Variants in CAMKMT observed in about 807,000 individuals in gnomAD.
CAMKMT encodes the protein CaM KMT.
A neutral mutation model predicts 48.0 loss-of-function variants in CAMKMT; 53 were observed. The observed-to-expected ratio is 1.10, with a 90% confidence interval of 0.89 to 1.39. The LOEUF (loss-of-function observed/expected upper bound fraction) is 1.39, where lower values mean the gene tolerates loss of function less well. CAMKMT is among the 40% of genes most tolerant of loss of function. The pLI is 0.00. For missense variants in CAMKMT, 428 were observed against 402.7 expected, an observed-to-expected ratio of 1.06 and a Z score of -0.54; for synonymous variants, 165 against 152.3, an observed-to-expected ratio of 1.08 and a Z score of -0.61.
intron 3 of CAMKMT, among the ~76,000 whole-genome samples, chr2:44,696,562 TG>T (rs1175640645): frequency 6.6e-6 from 1 of 152,116 alleles, no homozygotes; most frequent in East Asian, 1.9e-4. Context: ...AGGGTTAAAC[TG>T]GGGATTTTGG....
chr2:44,595,216 A>C (rs921133604), intron 3 of CAMKMT, among the ~76,000 whole-genome samples: 1 of 151,700 alleles, frequency 6.6e-6, no homozygotes, highest in Non-Finnish European at 1.5e-5. Context: ...AGGGTAAATT[A>C]GTTCAACCAT....
At chr2:44,497,459 A>AT (rs1281138010) in intron 3 of CAMKMT, among the ~76,000 whole-genome samples, 1 of 152,062 alleles carries the variant, frequency 6.6e-6, no homozygotes, top group Non-Finnish European at 1.5e-5. Context: ...TTTTCTAAAC[A>AT]TTTTTTATGT....
intron 3 of CAMKMT, among the ~76,000 whole-genome samples, chr2:44,515,171 A>T (rs528474168): frequency 6.6e-6 from 1 of 152,230 alleles, no homozygotes; most frequent in Admixed American, 6.5e-5. Context: ...TTTACCTAGA[A>T]GTAACTGGAG....
chr2:44,767,293 G>C (rs907195427), intron 10 of CAMKMT, among the ~76,000 whole-genome samples: 2 of 152,102 alleles, frequency 1.3e-5, no homozygotes, highest in Non-Finnish European at 2.9e-5. Context: ...TGTGCCTTAC[G>C]GAAATCTCCC....
intron 3 of CAMKMT, among the ~76,000 whole-genome samples, chr2:44,492,548 G>A (rs752971559): frequency 2.6e-5 from 4 of 152,078 alleles, no homozygotes; most frequent in Admixed American, 6.6e-5. Context: ...CTGAGAGTGC[G>A]TTTGCCCAAC....
chr2:44,590,388 G>C (rs1239007154), intron 3 of CAMKMT, among the ~76,000 whole-genome samples: 3 of 152,162 alleles, frequency 2.0e-5, no homozygotes, highest in African/African-American at 7.2e-5. Context: ...GCTAGGCCTA[G>C]AATTTTCTTT....
At chr2:44,604,939 T>G (rs1671201807) in intron 3 of CAMKMT, among the ~76,000 whole-genome samples, 1 of 152,150 alleles carries the variant, frequency 6.6e-6, no homozygotes, top group African/African-American at 2.4e-5. Context: ...TATTTCTTTC[T>G]GCCTATTTCA....
At chr2:44,639,649 A>G (rs1673336804) in intron 3 of CAMKMT, among the ~76,000 whole-genome samples, 2 of 152,206 alleles carry the variant, frequency 1.3e-5, no homozygotes, top group Admixed American at 6.5e-5. Context: ...TATGACATAC[A>G]TGTCATTGGA....
chr2:44,522,496 C>A (rs913827393), intron 3 of CAMKMT, among the ~76,000 whole-genome samples: 43 of 152,144 alleles, frequency 2.8e-4, no homozygotes, highest in African/African-American at 8.9e-4. Flanking sequence ...ATACTTAGAA[C>A]CCCTATTGTT....
At chr2:44,522,765 C>T (rs1037506393) in intron 3 of CAMKMT, among the ~76,000 whole-genome samples, 1 of 152,180 alleles carries the variant, frequency 6.6e-6, no homozygotes, top group Non-Finnish European at 1.5e-5. Flanking sequence ...GTCCTGGATC[C>T]TTTACATTAC....
rs544638530 is a variant in CAMKMT, at chr2:44,768,121, A to G, written c.894+1560A>G. 2.6e-5 allele frequency among the ~76,000 whole-genome samples: 4 copies of G among 152,152 alleles called. No homozygotes were observed. In the South Asian group the frequency reaches 8.3e-4, roughly 32 times the overall value. On this transcript the variant is annotated intron_variant, in intron 10 of 10. Transcript: ENST00000378494. Reference sequence around the variant, plus strand: ...CAGCACACCTCCTCTTTTTATTTCCAACGTTGTACACTACCCTGCTAAGTG... The same window carrying G: ...CAGCACACCTCCTCTTTTTATTTCCGACGTTGTACACTACCCTGCTAAGTG...
chr2:44,586,190 G>A (rs1558722755), intron 3 of CAMKMT, among the ~76,000 whole-genome samples: 1 of 152,192 alleles, frequency 6.6e-6, no homozygotes, highest in East Asian at 1.9e-4. Flanking sequence ...TTAGTTTAAG[G>A]GTTCCAAAAT....
At chr2:44,528,053 G>A (rs566299623) in intron 3 of CAMKMT, among the ~76,000 whole-genome samples, 1 of 152,216 alleles carries the variant, frequency 6.6e-6, no homozygotes, top group Admixed American at 6.5e-5. Flanking sequence ...ACAGAAATTC[G>A]TCGTGGGAAG....
intron 3 of CAMKMT, among the ~76,000 whole-genome samples, chr2:44,402,491 A>G (rs1304660315): frequency 6.6e-6 from 1 of 151,966 alleles, no homozygotes. Context: ...ATCTTCTGTT[A>G]TTCCCATTAT....
intron 3 of CAMKMT, among the ~76,000 whole-genome samples, chr2:44,584,355 G>A (rs894540573): frequency 1.3e-5 from 2 of 152,152 alleles, no homozygotes; most frequent in African/African-American, 2.4e-5. Context: ...AAATGTACTA[G>A]AGGACCTGGG....
intron 3 of CAMKMT, among the ~76,000 whole-genome samples, chr2:44,415,001 A>G (rs1460274758): frequency 6.6e-6 from 1 of 152,186 alleles, no homozygotes; most frequent in East Asian, 1.9e-4. Context: ...TAAAAATACA[A>G]ACATTATCTG....
intron 3 of CAMKMT, among the ~76,000 whole-genome samples, chr2:44,418,887 C>G (rs141008157): frequency 7.6e-4 from 115 of 152,216 alleles, no homozygotes; most frequent in African/African-American, 2.7e-3. Flanking sequence ...ATATGGTTGT[C>G]TCTTTATGTA....
intron 3 of CAMKMT, among the ~76,000 whole-genome samples, chr2:44,483,614 G>A (rs1669079314): frequency 6.6e-6 from 1 of 152,022 alleles, no homozygotes; most frequent in African/African-American, 2.4e-5. Flanking sequence ...AGAAATTAAA[G>A]GACAAGAACA....
chr2:44,432,855 G>A (rs547205819), intron 3 of CAMKMT, among the ~76,000 whole-genome samples: 21 of 151,610 alleles, frequency 1.4e-4, no homozygotes, highest in Admixed American at 6.6e-5. Flanking sequence ...TGCTTTCCAA[G>A]TAGTGTTTCA....
Sources: allele counts gnomAD v4.1 joint callset (sites outside exome capture counted in the v4.1 genomes callset), GRCh38; gene constraint gnomAD v4.1.1; transcripts MANE v1.5; gene names NCBI Gene and HGNC (gene_info 2026-07-23, HGNC 2026-07-21).